BMAL2: variants seen among roughly 807,000 people sequenced by gnomAD.
BMAL2 encodes the protein basic helix-loop-helix ARNT like 2, also known as basic helix-loop-helix ARNT-like protein 2.
chr12:27,407,115 GAGACTT>G, the BMAL2 span, among the ~76,000 whole-genome samples: 5 of 151,394 alleles, frequency 3.3e-5, no homozygotes, highest in African/African-American at 1.2e-4. Context: ...GACCTACAAA[GAGACTT>G]AGACCCTCAC....
chr12:27,422,659 G>C, the BMAL2 span: 1 of 152,348 alleles, frequency 6.6e-6, no homozygotes, highest in South Asian at 2.1e-4. Context: ...GAATTGGTGT[G>C]CAGCAGCCTA....
the BMAL2 span, among the ~76,000 whole-genome samples, chr12:27,344,980 C>T: frequency 3.3e-5 from 5 of 152,116 alleles, no homozygotes; most frequent in African/African-American, 9.7e-5. Flanking sequence ...GTAGTGACGT[C>T]GTCCTCATTT....
the BMAL2 span, among the ~76,000 whole-genome samples, chr12:27,367,334 C>A: frequency 1.3e-5 from 2 of 152,052 alleles, no homozygotes; most frequent in African/African-American, 4.8e-5. Flanking sequence ...CTACTCAGAA[C>A]CGTGTGCAGT....
At chr12:27,350,994 C>CCCCCCCTTTT in the BMAL2 span, among the ~76,000 whole-genome samples, 1 of 94,278 alleles carries the variant, frequency 1.1e-5, no homozygotes. Context: ...CCCACCCCCC[C>CCCCCCCTTTT]TTTTTTTTTT....
the BMAL2 span, among the ~76,000 whole-genome samples, chr12:27,377,903 A>AG: frequency 3.7e-3 from 568 of 152,280 alleles, 1 homozygote; most frequent in Non-Finnish European, 5.9e-3. Context: ...TGGTTGGGGC[A>AG]GGGGGTGTGG....
At chr12:27,337,628 A>G in the BMAL2 span, among the ~76,000 whole-genome samples, 1 of 152,114 alleles carries the variant, frequency 6.6e-6, no homozygotes, top group South Asian at 2.1e-4. Flanking sequence ...GTATGTGTGG[A>G]GGAGGAGAAC....
the BMAL2 span, among the ~76,000 whole-genome samples, chr12:27,369,057 A>C: frequency 1.3e-5 from 2 of 152,322 alleles, no homozygotes; most frequent in Admixed American, 1.3e-4. Flanking sequence ...GGTTCGTTTG[A>C]GCCCAGATGT....
the BMAL2 span, among the ~76,000 whole-genome samples, chr12:27,338,196 A>G: frequency 5.9e-5 from 9 of 152,350 alleles, no homozygotes; most frequent in South Asian, 2.1e-4. Context: ...AATACGCACT[A>G]TTTACTAGGC....
chr12:27,376,446 T>A, the BMAL2 span: 1 of 1,531,470 alleles, frequency 6.5e-7, no homozygotes, highest in Non-Finnish European at 9.0e-7. Context: ...AAGGCAAGCC[T>A]GTAGCCTAAG....
the BMAL2 span, among the ~76,000 whole-genome samples, chr12:27,344,318 C>A: frequency 6.6e-6 from 1 of 152,192 alleles, no homozygotes; most frequent in African/African-American, 2.4e-5. Context: ...GTGTGGAATA[C>A]TGGCCTACTT....
the BMAL2 span, chr12:27,400,525 T>C: frequency 3.9e-6 from 6 of 1,547,276 alleles, no homozygotes; most frequent in East Asian, 1.1e-4. Context: ...TTAAAAATCT[T>C]TGAATTAGAG....
chr12:27,421,022 G>T, the BMAL2 span: 1 of 152,828 alleles, frequency 6.5e-6, no homozygotes, highest in South Asian at 2.1e-4. Flanking sequence ...ACATTTAAAG[G>T]GACAGTGCAA....
chr12:27,371,819 C>A, the BMAL2 span, among the ~76,000 whole-genome samples: 1 of 152,118 alleles, frequency 6.6e-6, no homozygotes, highest in African/African-American at 2.4e-5. Context: ...GTATTGTAGA[C>A]CATCACCTCT....
the BMAL2 span, among the ~76,000 whole-genome samples, chr12:27,396,528 C>G: frequency 6.6e-5 from 10 of 152,128 alleles, no homozygotes; most frequent in East Asian, 1.9e-3. Context: ...AGAGTTGCTT[C>G]CTAGATGCCG....
the BMAL2 span, among the ~76,000 whole-genome samples, chr12:27,356,122 G>C: frequency 8.5e-5 from 13 of 152,222 alleles, no homozygotes; most frequent in Non-Finnish European, 1.9e-4. Context: ...CCAAGATGGA[G>C]AGGGTTTAAA....
the BMAL2 span, among the ~76,000 whole-genome samples, chr12:27,344,544 C>T: frequency 0.46 from 69,204 of 152,028 alleles, 15,959 homozygotes; most frequent in Admixed American, 0.52. Context: ...CCAGCACAGA[C>T]GGACCCTGCT....
At chr12:27,390,191 A>G in the BMAL2 span, 1 of 1,613,996 alleles carries the variant, frequency 6.2e-7, no homozygotes, top group South Asian at 1.1e-5. Context: ...GAGTTGTAAA[A>G]TCTCTGTCAA....
the BMAL2 span, among the ~76,000 whole-genome samples, chr12:27,375,640 T>C: frequency 1.3e-5 from 2 of 152,188 alleles, no homozygotes; most frequent in African/African-American, 4.8e-5. Context: ...TTATGGGTGC[T>C]TTTCCTGGAA....
chr12:27,372,920 A>G, the BMAL2 span, among the ~76,000 whole-genome samples: 1 of 152,014 alleles, frequency 6.6e-6, no homozygotes. Context: ...TGATCTGCCC[A>G]CCTCGGCCTC....
Sources: allele counts gnomAD v4.1 joint callset (sites outside exome capture counted in the v4.1 genomes callset), GRCh38; gene constraint gnomAD v4.1.1; transcripts MANE v1.5; gene names NCBI Gene and HGNC (gene_info 2026-07-23, HGNC 2026-07-21).